RAB40C: variants seen among roughly 807,000 people sequenced by gnomAD.
The protein encoded by RAB40C is RAB40C, member RAS oncogene family.
A neutral mutation model predicts 28.1 loss-of-function variants in RAB40C; 8 were observed. That is an observed-to-expected ratio of 0.28 (90% CI 0.17 to 0.51). The LOEUF is 0.51. Ranked by LOEUF, RAB40C falls within the 20% of genes least tolerant of loss-of-function variation. The pLI is 0.97. For missense variants in RAB40C, 288 were observed against 405.9 expected, an observed-to-expected ratio of 0.71 and a Z score of 2.50; for synonymous variants, 201 against 171.7, an observed-to-expected ratio of 1.17 and a Z score of -1.34.
At chr16:625,078 G>A in intron 3 of RAB40C, 2 of 1,288,980 alleles carry the variant, frequency 1.6e-6, no homozygotes, top group Non-Finnish European at 2.0e-6. Flanking sequence ...TGATGGACTG[G>A]CCGAGAGGAC....
chr16:616,882 C>T (rs1336505387), intron 1 of RAB40C: 17 of 369,620 alleles, frequency 4.6e-5, no homozygotes, highest in Non-Finnish European at 6.1e-5. Flanking sequence ...GCGCGGGCCA[C>T]AGGCGGAGGC....
At chr16:599,600 C>G (rs962949583) in intron 1 of RAB40C, among the ~76,000 whole-genome samples, 1 of 152,170 alleles carries the variant, frequency 6.6e-6, no homozygotes, top group African/African-American at 2.4e-5. Context: ...TGGCATCAGT[C>G]AGCGTGGATT....
At chr16:623,138 C>T (rs1043138154) in intron 3 of RAB40C, among the ~76,000 whole-genome samples, 4 of 152,156 alleles carry the variant, frequency 2.6e-5, no homozygotes, top group African/African-American at 7.2e-5. Flanking sequence ...CAGGGCCCCC[C>T]GCGTCACAGC....
At chr16:616,022 C>A (rs2036577334) in intron 1 of RAB40C, among the ~76,000 whole-genome samples, 1 of 152,104 alleles carries the variant, frequency 6.6e-6, no homozygotes, top group East Asian at 1.9e-4. Flanking sequence ...CTTTGGGAGG[C>A]TGAGGCGGGT....
chr16:595,379 C>T (rs527467607), intron 1 of RAB40C, among the ~76,000 whole-genome samples: 2 of 152,304 alleles, frequency 1.3e-5, no homozygotes, highest in African/African-American at 4.8e-5. Context: ...CTGCAGGCCT[C>T]CTGTGAAGCA....
At chr16:619,150 T>G (rs1390765222) in intron 3 of RAB40C, among the ~76,000 whole-genome samples, 1 of 140,266 alleles carries the variant, frequency 7.1e-6, no homozygotes, top group African/African-American at 2.7e-5. Context: ...TGCTCAGGTG[T>G]GGTGTACTTG....
chr16:598,073 C>T lies in RAB40C; in HGVS notation c.142+7640C>T, dbSNP rs559559567. On this transcript the variant is annotated intron_variant, in intron 1 of 5. Transcript: ENST00000248139. ...CATCCTGGCCAACATGATGAAACCC[C>T]GTCTCTACTAAAAATACAAAAATTG... Among the ~76,000 whole-genome samples, 22 of 150,730 alleles carry T rather than the reference C, an allele frequency of 1.5e-4. No individual in the cohort carries two copies. In the South Asian group the frequency reaches 2.1e-3, roughly 14 times the overall value.
At chr16:626,538 G>A (rs902845948) in intron 5 of RAB40C, among the ~76,000 whole-genome samples, 17 of 152,250 alleles carry the variant, frequency 1.1e-4, no homozygotes, top group African/African-American at 3.6e-4. Flanking sequence ...AGAGGCTCCC[G>A]TGAAGCCCCC....
chr16:596,233 C>G (rs137994755), intron 1 of RAB40C: 1 of 449,730 alleles, frequency 2.2e-6, no homozygotes, highest in African/African-American at 2.0e-5. Context: ...GAAGCCACAT[C>G]GGGGAGCTGA....
At chr16:625,315 A>G (rs2036805326) in intron 3 of RAB40C, 117 bp from the exon 4 acceptor site, 1 of 1,493,418 alleles carries the variant, frequency 6.7e-7, no homozygotes, top group African/African-American at 1.4e-5. Flanking sequence ...CCATCCGCCA[A>G]GTAATAAGCA....
In RAB40C at chr16:590,192, A is replaced by G. The variant is rs181886599; in HGVS notation, c.-100A>G. The G allele has an allele frequency of 1.5e-3, 1,355 of 908,570 alleles. 16 individuals carry two copies. The African/African-American group carries it at 0.023, about 15-fold the overall frequency. 56.3% of individuals were successfully genotyped at this position (908,570 alleles called of 1,614,324 possible). A position where few individuals can be genotyped will look rare whatever the true frequency, so the allele number is the denominator to read the frequency against. ...CGCCCACTCGGCCGCCGTGGGGCGG[A>G]CGCAACGGGCGCAGGTGCGGGGCGC... On this transcript the variant is annotated 5_prime_UTR_variant, in exon 1 of 6. Coordinates refer to ENST00000248139, the MANE Select transcript of RAB40C (RefSeq NM_021168.5).
In RAB40C at chr16:616,984, T is replaced by TGCCCTGCCCC. The variant is rs1216459574; in HGVS notation, c.143-214_143-205dup. On this transcript the variant is annotated intron_variant, in intron 1 of 5. Coordinates refer to ENST00000248139, the MANE Select transcript of RAB40C (RefSeq NM_021168.5). Reference sequence around the variant, plus strand: ...CACTGTATGGACCACGCTCCTGCCCTGCCCTGCCCCGCCCTGCCCGTGGCC... The same window carrying TGCCCTGCCCC: ...CACTGTATGGACCACGCTCCTGCCCTGCCCTGCCCCGCCCTGCCCCGCCCTGCCCGTGGCC... 148 of 567,900 alleles carry TGCCCTGCCCC rather than the reference T, an allele frequency of 2.6e-4. 2 individuals are homozygous for TGCCCTGCCCC. Among genetic ancestry groups the TGCCCTGCCCC allele is most frequent in the South Asian group, 1.1e-3 (56 of 50,338 alleles). The allele number at this position is 567,900 out of a possible 1,614,324, so 35.2% of individuals were successfully genotyped here. A position where few individuals can be genotyped will look rare whatever the true frequency, so the allele number is the denominator to read the frequency against.
Position 627,409 on chromosome 16 carries a change from G to A in RAB40C, c.633G>A (p.Lys211=). 1 of 1,613,960 alleles carries A rather than the reference G, an allele frequency of 6.2e-7. No individual in the cohort carries two copies. Residue 211 remains lysine, a synonymous_variant, in exon 6 of 6, where the codon AAG becomes AAA. Transcript: ENST00000248139. ...GCACCCCCGTGCACCTCATCGACAA[G>A]CTTCCACTGCCCGTCACCATCAAGA... ...VSCTPVHLID[K]LPLPVTIKSH...
rs564721639 is a variant in RAB40C at position 591,846 on chromosome 16, C to T, written c.142+1413C>T. Among the ~76,000 whole-genome samples the T allele has an allele frequency of 5.9e-5, 9 of 152,312 alleles. No individual in the cohort carries two copies. The South Asian group carries it at 1.4e-3, about 25-fold the overall frequency. On this transcript the variant is annotated intron_variant, in intron 1 of 5. Transcript: ENST00000248139. Reference sequence around the variant, plus strand: ...TCCTGACCTCATGATCTGCCCACCTCGGCCTCCCAAAGTGCTGGGATTACA... The same window carrying T: ...TCCTGACCTCATGATCTGCCCACCTTGGCCTCCCAAAGTGCTGGGATTACA...
intron 1 of RAB40C, among the ~76,000 whole-genome samples, chr16:597,821 C>T (rs2036161749): frequency 6.7e-6 from 1 of 150,152 alleles, no homozygotes; most frequent in South Asian, 2.1e-4. Flanking sequence ...GAGCAGAGGG[C>T]TGGGCACGGT....
At chr16:616,987 C>T in intron 1 of RAB40C, 1 of 571,594 alleles carries the variant, frequency 1.7e-6, no homozygotes, top group Non-Finnish European at 3.2e-6. Flanking sequence ...CCTGCCCTGC[C>T]CTGCCCCGCC....
rs1407263654 is a variant in RAB40C at position 610,507 on chromosome 16, T to A, written c.143-6701T>A. On this transcript the variant is annotated intron_variant, in intron 1 of 5. Coordinates refer to ENST00000248139, the MANE Select transcript of RAB40C (RefSeq NM_021168.5). The surrounding 1 kb of genome is among the most constrained non-coding windows in gnomAD (Gnocchi z 4.6). ...TTCACTGGCGCCCTTGCCTTTTCAC[T>A]GAGCCGGGTATTAGCTTAGCTTATT... Among the ~76,000 whole-genome samples, 5 of 152,138 alleles carry A rather than the reference T, an allele frequency of 3.3e-5. No individual in the cohort carries two copies. The highest frequency in any genetic ancestry group is 4.4e-5 in the Non-Finnish European group (3 of 68,014).
At chr16:597,627 C>T (rs2036156181) in intron 1 of RAB40C, among the ~76,000 whole-genome samples, 1 of 151,938 alleles carries the variant, frequency 6.6e-6, no homozygotes, top group Non-Finnish European at 1.5e-5. Flanking sequence ...GCTGGGATTA[C>T]AGGCATGCAC....
At chr16:611,337 C>T (rs1045574106) in intron 1 of RAB40C, among the ~76,000 whole-genome samples, 3 of 152,214 alleles carry the variant, frequency 2.0e-5, no homozygotes, top group Non-Finnish European at 4.4e-5. Flanking sequence ...CTGGCGCCTG[C>T]CTGCTTGGCC....
Sources: gnomAD v4.1 joint callset for allele counts (sites outside exome capture counted in the v4.1 genomes callset) on GRCh38, gnomAD v4.1.1 for gene constraint, Gnocchi (gnomAD v3.1) non-coding constraint, MANE v1.5 for transcripts, NCBI Gene and HGNC (gene_info 2026-07-23, HGNC 2026-07-21) for gene names.